SASH1: variants seen among roughly 807,000 people sequenced by gnomAD.
SASH1 encodes SAM and SH3 domain-containing protein 1.
A neutral mutation model predicts 125.2 loss-of-function variants in SASH1; 44 were observed. The observed-to-expected ratio is 0.35, with a 90% CI of 0.28 to 0.45. The LOEUF is 0.45. SASH1 is among the 20% of genes least tolerant of loss of function. The pLI is 1.00. For missense variants in SASH1, 1,426 were observed against 1,614.5 expected (o/e 0.88, Z 2.00); for synonymous variants, 639 against 649.1 (o/e 0.98, Z 0.24).
chr6:148,237,841 C>T, the SASH1 span, among the ~76,000 whole-genome samples: 1 of 152,198 alleles, frequency 6.6e-6, no homozygotes, highest in African/African-American at 2.4e-5. Flanking sequence ...CCTGGCCCTC[C>T]ATTTTCTCTC....
At chr6:148,326,465 C>T (rs1305811765) in intron 1 of SASH1, among the ~76,000 whole-genome samples, 8 of 143,116 alleles carry the variant, frequency 5.6e-5, no homozygotes, top group South Asian at 2.2e-4. Context: ...AGTGCAATGG[C>T]GTGATCTCGG....
At chr6:148,258,209 C>G in the SASH1 span, among the ~76,000 whole-genome samples, 7 of 152,188 alleles carry the variant, frequency 4.6e-5, no homozygotes, top group East Asian at 1.4e-3. Flanking sequence ...CCATACTCAG[C>G]TTTCCATTTA....
intron 10 of SASH1, among the ~76,000 whole-genome samples, chr6:148,522,700 C>CATCT (rs778858497): frequency 5.1e-4 from 78 of 152,310 alleles, no homozygotes; most frequent in Non-Finnish European, 1.0e-3. Flanking sequence ...TCATCCCAAG[C>CATCT]ATCTATCTAA....
intron 1 of SASH1, among the ~76,000 whole-genome samples, chr6:148,299,631 A>C (rs1326189270): frequency 2.0e-5 from 3 of 149,834 alleles, no homozygotes; most frequent in Admixed American, 6.8e-5. Context: ...CACGCCACTC[A>C]CTCCAGCCTG....
intron 8 of SASH1, chr6:148,513,041 A>G (rs762021491): frequency 4.1e-6 from 4 of 985,406 alleles, no homozygotes; most frequent in Non-Finnish European, 4.8e-6. Context: ...AGGACTCACA[A>G]CGTGCACCAT....
At chr6:148,276,505 G>A (rs572066663) in intron 1 of SASH1, among the ~76,000 whole-genome samples, 1 of 152,262 alleles carries the variant, frequency 6.6e-6, no homozygotes, top group East Asian at 1.9e-4. Context: ...AGAGAAAAGA[G>A]GAACAGCGCC....
At position 148,534,822 on chromosome 6, in the gene SASH1, C is replaced by T; in HGVS notation, c.2016C>T (p.Asp672=). 1 of 1,614,180 alleles carries T rather than the reference C, an allele frequency of 6.2e-7. No individual in the cohort carries two copies. ...CCTTTAAGCTGCTGGAGGAGGAAGA[C>T]TTGGATGAGTTAAATATCAGGGACC... is the stretch of plus-strand genomic sequence containing the variant. ...LDTFKLLEEE[D]LDELNIRDPE... The change falls in exon 16 of 20, where the codon GAC becomes GAT. Residue 672 remains aspartate, a synonymous_variant. Coordinates refer to ENST00000367467, the MANE Select transcript of SASH1 (RefSeq NM_015278.5).
the SASH1 span, among the ~76,000 whole-genome samples, chr6:148,239,677 A>G: frequency 1.3e-5 from 2 of 149,628 alleles, no homozygotes; most frequent in South Asian, 4.3e-4. Flanking sequence ...TTGCTAATCA[A>G]TGTCTCAGCC....
chr6:148,223,161 CAGA>C, the SASH1 span, among the ~76,000 whole-genome samples: 2 of 151,752 alleles, frequency 1.3e-5, no homozygotes, highest in East Asian at 3.9e-4. Flanking sequence ...AGAGCCTAGA[CAGA>C]GAGAGAGCCG....
chr6:148,331,558 T>A (rs970597592), intron 1 of SASH1, among the ~76,000 whole-genome samples: 1 of 152,032 alleles, frequency 6.6e-6, no homozygotes, highest in Non-Finnish European at 1.5e-5. Flanking sequence ...CTCTAACTCC[T>A]GACCTCGTGA....
intron 2 of SASH1, among the ~76,000 whole-genome samples, chr6:148,429,214 T>C (rs1281115453): frequency 2.0e-5 from 3 of 151,612 alleles, no homozygotes; most frequent in Non-Finnish European, 4.4e-5. Flanking sequence ...TGCAGTAAAA[T>C]TGCAAACACA....
chr6:148,489,510 C>G (rs12660564), intron 8 of SASH1, among the ~76,000 whole-genome samples: 1 of 151,904 alleles, frequency 6.6e-6, no homozygotes, highest in South Asian at 2.1e-4. Flanking sequence ...AAAAATATAT[C>G]GTTGGGATAT....
chr6:148,377,184 C>A (rs866674532), intron 1 of SASH1, among the ~76,000 whole-genome samples: 4,303 of 37,682 alleles, frequency 0.11, 205 homozygotes, highest in East Asian at 0.33. Context: ...AAAAAAAAAA[C>A]AAAAAAAAAA....
intron 2 of SASH1, 94 bp from the exon 3 acceptor site, chr6:148,440,090 C>G (rs1776479662): frequency 1.6e-6 from 2 of 1,216,960 alleles, no homozygotes. Flanking sequence ...CCAACCTTTC[C>G]CGAATCCTCC....
chr6:148,491,469 CA>C (rs1249955772), intron 8 of SASH1, among the ~76,000 whole-genome samples: 1 of 152,100 alleles, frequency 6.6e-6, no homozygotes, highest in Non-Finnish European at 1.5e-5. Context: ...GGGGTTTCAC[CA>C]TGTTGACCAG....
At chr6:148,415,979 G>A (rs1034439509) in intron 2 of SASH1, among the ~76,000 whole-genome samples, 3 of 152,182 alleles carry the variant, frequency 2.0e-5, no homozygotes, top group African/African-American at 7.2e-5. Flanking sequence ...ATAGTGTGGG[G>A]CGGTAAAGGA....
chr6:148,213,659 A>G, the SASH1 span, among the ~76,000 whole-genome samples: 1 of 151,230 alleles, frequency 6.6e-6, no homozygotes, highest in African/African-American at 2.4e-5. Flanking sequence ...CTTATAAACA[A>G]CCAACTGGTC....
rs2115481814 is a variant in SASH1 at position 148,550,633 on chromosome 6, T to C, written c.*2075T>C. 6.6e-6 allele frequency: 1 copy of C among 152,350 alleles called. No homozygotes were observed. Among genetic ancestry groups the C allele is most frequent in the East Asian group, 1.9e-4 (1 of 5,194 alleles). The allele number at this position is 152,350 out of a possible 1,614,324, so 9.4% of individuals were successfully genotyped here. A position where few individuals can be genotyped will look rare whatever the true frequency, so the allele number is the denominator to read the frequency against. ...TGAACTCTTAAAAACAGCTCATGTT[T>C]GTTTGTCCTCTCGGGTTGTGGCCTA... On this transcript the variant is annotated 3_prime_UTR_variant, in exon 20 of 20. Transcript: ENST00000367467.
intron 1 of SASH1, among the ~76,000 whole-genome samples, chr6:148,380,658 C>G (rs923257153): frequency 6.6e-6 from 1 of 152,240 alleles, no homozygotes; most frequent in African/African-American, 2.4e-5. Context: ...TAGGCTTGTA[C>G]TTTCTAAAAA....
Sources: allele counts gnomAD v4.1 joint callset (sites outside exome capture counted in the v4.1 genomes callset), GRCh38; gene constraint gnomAD v4.1.1; transcripts MANE v1.5; gene names NCBI Gene and HGNC (gene_info 2026-07-23, HGNC 2026-07-21).